The following EPG5 variants were observed in gnomAD, a reference collection of about 807,000 sequenced individuals.
EPG5 encodes ectopic P granules protein 5 homolog.
In EPG5, 159 loss-of-function variants were observed where a neutral mutation model predicts 302.7. The observed-to-expected ratio is 0.53, with a 90% CI of 0.46 to 0.60. The LOEUF is 0.60. EPG5 is among the 20% of genes least tolerant of loss of function. EPG5 has a pLI of 0.00. For missense variants in EPG5, 2,896 were observed against 3,092.4 expected, an observed-to-expected ratio of 0.94 and a Z score of 1.51; for synonymous variants, 1,158 against 1,136.8, an observed-to-expected ratio of 1.02 and a Z score of -0.37.
At chr18:45,915,932 T>A in intron 19 of EPG5, 77 bp downstream of exon 19, 1 of 1,306,340 alleles carries the variant, frequency 7.7e-7, no homozygotes, top group South Asian at 1.5e-5. Context: ...CTGAAAACTG[T>A]ACTTGGGGGA....
the EPG5 span, among the ~76,000 whole-genome samples, chr18:45,809,848 C>A: frequency 6.6e-6 from 1 of 152,002 alleles, no homozygotes; most frequent in African/African-American, 2.4e-5. Context: ...CCAAACCCAA[C>A]AGAAGAAAAG....
At chr18:45,930,603 C>A in intron 12 of EPG5, 73 bp downstream of exon 12, 2 of 1,288,122 alleles carry the variant, frequency 1.6e-6, no homozygotes, top group Non-Finnish European at 1.0e-6. Flanking sequence ...AAAAGCAATC[C>A]CCCAAAAAAT....
intron 20 of EPG5, among the ~76,000 whole-genome samples, chr18:45,914,722 A>G (rs1482213659): frequency 1.3e-5 from 2 of 152,048 alleles, no homozygotes; most frequent in Admixed American, 6.5e-5. Context: ...TCCAGTGACC[A>G]CTCTAAACCT....
intron 36 of EPG5, among the ~76,000 whole-genome samples, chr18:45,869,844 G>A (rs1042545308): frequency 4.0e-5 from 6 of 151,642 alleles, no homozygotes; most frequent in African/African-American, 1.5e-4. Flanking sequence ...AACAATAAAT[G>A]TGACAGTAAG....
At chr18:45,883,270 C>T (rs1438640692) in intron 30 of EPG5, among the ~76,000 whole-genome samples, 1 of 152,096 alleles carries the variant, frequency 6.6e-6, no homozygotes, top group Non-Finnish European at 1.5e-5. Context: ...GGCGACAGTG[C>T]CACAAATAAG....
chr18:45,819,215 G>C, the EPG5 span, among the ~76,000 whole-genome samples: 1 of 151,934 alleles, frequency 6.6e-6, no homozygotes, highest in African/African-American at 2.4e-5. Context: ...TTAATTAATT[G>C]CTCATCTGGA....
chr18:45,910,820 T>A, intron 22 of EPG5, 78 bp from the exon 23 acceptor site: 1 of 1,109,670 alleles, frequency 9.0e-7, no homozygotes, highest in Non-Finnish European at 1.3e-6. Context: ...AGCAGTTAAT[T>A]AGCAAGGCAA....
Position 45,850,607 on chromosome 18 carries a change from AGATAGTGT to A in EPG5, c.*1852_*1859del, listed in dbSNP as rs2048411496. 6.6e-6 allele frequency: 1 copy of A among 152,448 alleles called. No individual in the cohort carries two copies. The highest frequency in any genetic ancestry group is 6.5e-5 in the Admixed American group (1 of 15,288). The allele number at this position is 152,448 out of a possible 1,614,324, so 9.4% of individuals were successfully genotyped here. A position where few individuals can be genotyped will look rare whatever the true frequency, so the allele number is the denominator to read the frequency against. Reference sequence around the variant, plus strand: ...ACTTTAACAGCTGAAACACTTTACAAGATAGTGTGATATCCCTATAATTTGGTTTTTAA... The same window carrying A: ...ACTTTAACAGCTGAAACACTTTACAAGATATCCCTATAATTTGGTTTTTAA... On this transcript the variant is annotated 3_prime_UTR_variant, in exon 44 of 44. Transcript: ENST00000282041.
intron 6 of EPG5, among the ~76,000 whole-genome samples, chr18:45,948,108 GA>G: frequency 6.6e-6 from 1 of 152,172 alleles, no homozygotes; most frequent in Non-Finnish European, 1.5e-5. Context: ...CAGTTACCAT[GA>G]AACACTCTGA....
At chr18:45,896,363 G>A (rs11082495) in intron 27 of EPG5, among the ~76,000 whole-genome samples, 87,367 of 152,080 alleles carry the variant, frequency 0.57, 25,517 homozygotes, top group Non-Finnish European at 0.64. Context: ...CTAAGCAAAC[G>A]AGTGAGGCCA....
At chr18:45,879,890 T>C (rs1027611999) in intron 32 of EPG5, among the ~76,000 whole-genome samples, 185 bp downstream of exon 32, 1 of 151,988 alleles carries the variant, frequency 6.6e-6, no homozygotes, top group African/African-American at 2.4e-5. Flanking sequence ...TGGGCAAGAA[T>C]TAGACTCAGG....
chr18:45,817,707 A>G, the EPG5 span, among the ~76,000 whole-genome samples: 1 of 152,242 alleles, frequency 6.6e-6, no homozygotes, highest in Non-Finnish European at 1.5e-5. Context: ...GCTGCTTGAG[A>G]GTCCTCATGA....
chr18:45,917,746 C>T lies in EPG5; in HGVS notation c.3172G>A (p.Val1058Ile). The T allele has an allele frequency of 6.2e-7, 1 of 1,613,982 alleles. No homozygotes were observed. Among genetic ancestry groups the T allele is most frequent in the Non-Finnish European group, 8.5e-7 (1 of 1,179,898 alleles). ...GGCAGAATCTTATCCAGGACATGAA[C>T]CACTGTTCTCAAATGTCTTGACTGG... Reference protein sequence around the residue: ...LVQSRHLRTVVHVLDKILPLF... With the variant: ...LVQSRHLRTVIHVLDKILPLF... Residue 1058 changes from valine to isoleucine, a missense_variant, in exon 17 of 44, where the codon GTT (valine) becomes ATT (isoleucine). By Grantham distance (29) the Val-to-Ile change is conservative. Coordinates refer to ENST00000282041, the MANE Select transcript of EPG5 (RefSeq NM_020964.3).
chr18:45,946,963 A>T (rs2050796299), intron 6 of EPG5, among the ~76,000 whole-genome samples, 195 bp from the exon 7 acceptor site: 1 of 152,230 alleles, frequency 6.6e-6, no homozygotes, highest in Non-Finnish European at 1.5e-5. Flanking sequence ...ACCATTCTGA[A>T]TTAGTAATGA....
chr18:45,879,281 T>G, intron 32 of EPG5, 67 bp from the exon 33 acceptor site: 2 of 1,138,068 alleles, frequency 1.8e-6, no homozygotes, highest in Non-Finnish European at 2.5e-6. Flanking sequence ...TATGATACAC[T>G]GTGATGGGGG....
intron 28 of EPG5, 94 bp downstream of exon 28, chr18:45,889,704 G>A: frequency 8.9e-7 from 1 of 1,126,116 alleles, no homozygotes. Flanking sequence ...TTAACCTGTG[G>A]GTGCTGCAGG....
intron 14 of EPG5, 54 bp from the exon 15 acceptor site, chr18:45,923,441 T>G: frequency 6.3e-7 from 1 of 1,578,544 alleles, no homozygotes; most frequent in South Asian, 1.1e-5. Context: ...GTTTTGTTTT[T>G]GTACCTTTGA....
chr18:45,882,038 G>A (rs2049109518), intron 31 of EPG5, among the ~76,000 whole-genome samples: 1 of 152,214 alleles, frequency 6.6e-6, no homozygotes, highest in Admixed American at 6.5e-5. Context: ...CCACCAAACT[G>A]GAGGTGCTGC....
chr18:45,882,021 G>A (rs916916178), intron 31 of EPG5, among the ~76,000 whole-genome samples: 1 of 152,328 alleles, frequency 6.6e-6, no homozygotes, highest in Non-Finnish European at 1.5e-5. Flanking sequence ...CTGCATGACT[G>A]TGGACTCCAC....
Sources: allele counts gnomAD v4.1 joint callset (sites outside exome capture counted in the v4.1 genomes callset), GRCh38; gene constraint gnomAD v4.1.1; transcripts MANE v1.5; gene names NCBI Gene and HGNC (gene_info 2026-07-23, HGNC 2026-07-21).